PCDHGB1: variants seen among roughly 807,000 people sequenced by gnomAD.
PCDHGB1 encodes the protein protocadherin gamma subfamily B, 1.
In PCDHGB1, 34 loss-of-function variants were observed where a neutral mutation model predicts 56.6. The ratio of observed to expected loss-of-function variants is 0.60; its 90% CI spans 0.46 to 0.80. The LOEUF (loss-of-function observed/expected upper bound fraction) is 0.80, where lower values mean the gene tolerates loss of function less well. PCDHGB1 is among the 30% of genes least tolerant of loss of function. PCDHGB1 has a pLI of 0.00. For synonymous variants in PCDHGB1, 561 were observed against 505.9 expected, an observed-to-expected ratio of 1.11 and a Z score of -1.46; for missense variants, 1,278 against 1,204.6, an observed-to-expected ratio of 1.06 and a Z score of -0.90.
chr5:141,365,083 T>G (rs1763725289), intron 1 of PCDHGB1: 1 of 1,613,804 alleles, frequency 6.2e-7, no homozygotes, highest in Non-Finnish European at 8.5e-7. Context: ...GCGTGAGTGT[T>G]CCAGAGAACA....
At chr5:141,481,193 A>AT (rs1437708630) in intron 1 of PCDHGB1, among the ~76,000 whole-genome samples, 4 of 152,216 alleles carry the variant, frequency 2.6e-5, no homozygotes, top group African/African-American at 7.2e-5. Context: ...GCCAGGCCCA[A>AT]TTTTTTTAAA....
intron 1 of PCDHGB1, chr5:141,400,710 C>A (rs1480952915): frequency 2.9e-6 from 2 of 693,672 alleles, no homozygotes; most frequent in Non-Finnish European, 4.8e-6. Context: ...AAAGAAGTAG[C>A]CTTATAGATT....
rs55729045 is a variant in PCDHGB1 at position 141,395,542 on chromosome 5, TTGTGTGTGTGTGTGTG to T, written c.2409+42907_2409+42922del. 64 of 172,628 alleles carry T rather than the reference TTGTGTGTGTGTGTGTG, an allele frequency of 3.7e-4. 1 individual carries two copies. Among genetic ancestry groups the T allele is most frequent in the South Asian group, 2.0e-3 (23 of 11,528 alleles). The allele number at this position is 172,628 out of a possible 1,614,324, so 10.7% of individuals were successfully genotyped here. A position where few individuals can be genotyped will look rare whatever the true frequency, so the allele number is the denominator to read the frequency against. ...TCCATACTGGTAATTTTGCTATTGT[TTGTGTGTGTGTGTGTG>T]TGTGTGTGTGTGTGTGTGTGTGTGT... On this transcript the variant is annotated intron_variant, in intron 1 of 3. Coordinates refer to ENST00000523390, the MANE Select transcript of PCDHGB1 (RefSeq NM_018922.3).
chr5:141,450,592 T>G (rs1403924348), intron 1 of PCDHGB1, among the ~76,000 whole-genome samples: 1 of 151,838 alleles, frequency 6.6e-6, no homozygotes, highest in Non-Finnish European at 1.5e-5. Context: ...GTTCAAGCAA[T>G]TCTCCTGCCT....
intron 1 of PCDHGB1, among the ~76,000 whole-genome samples, chr5:141,467,951 A>G (rs2099155044): frequency 6.6e-6 from 1 of 151,944 alleles, no homozygotes; most frequent in East Asian, 1.9e-4. Context: ...GAGCCACCAC[A>G]CCCGGCTGCC....
intron 1 of PCDHGB1, chr5:141,429,167 T>TAC (rs1357037045): frequency 6.6e-5 from 9 of 136,102 alleles, no homozygotes; most frequent in African/African-American, 8.8e-5. Context: ...AGACATTGTT[T>TAC]ATACACACAC....
At chr5:141,421,030 G>C (rs989158485) in intron 1 of PCDHGB1, 2 of 532,352 alleles carry the variant, frequency 3.8e-6, no homozygotes, top group African/African-American at 3.9e-5. Context: ...GCGCCATTGA[G>C]TCCCTCCCTC....
intron 1 of PCDHGB1, chr5:141,357,754 G>T (rs1339262267): frequency 9.2e-6 from 10 of 1,082,578 alleles, no homozygotes; most frequent in Non-Finnish European, 1.3e-5. Context: ...AAGAAAACTG[G>T]TGGATGACCT....
chr5:141,419,645 G>T, intron 1 of PCDHGB1: 1 of 1,612,478 alleles, frequency 6.2e-7, no homozygotes, highest in African/African-American at 1.3e-5. Context: ...GGCCGTGGAC[G>T]CGGACTCGGG....
intron 1 of PCDHGB1, among the ~76,000 whole-genome samples, chr5:141,381,134 C>T (rs1034042035): frequency 2.0e-5 from 3 of 152,196 alleles, no homozygotes; most frequent in African/African-American, 7.2e-5. Context: ...GGAGCAATGC[C>T]ACCAGAAAGC....
intron 1 of PCDHGB1, chr5:141,390,025 G>GA (rs2092024046): frequency 1.2e-6 from 2 of 1,613,882 alleles, no homozygotes; most frequent in Non-Finnish European, 1.7e-6. Context: ...TTGCGCCTGC[G>GA]ACGCTCCTCC....
At chr5:141,495,052 CTGTT>C (rs1406995321) in intron 2 of PCDHGB1, among the ~76,000 whole-genome samples, 187 bp downstream of exon 2, 1 of 152,190 alleles carries the variant, frequency 6.6e-6, no homozygotes, top group Non-Finnish European at 1.5e-5. Context: ...ACTGCCCTGA[CTGTT>C]CAGGAAGCTC....
At chr5:141,356,349 A>G in intron 1 of PCDHGB1, 2 of 1,555,872 alleles carry the variant, frequency 1.3e-6, no homozygotes, top group Non-Finnish European at 1.7e-6. Context: ...GCCTAGTCAC[A>G]TGTTCTATTC....
intron 1 of PCDHGB1, chr5:141,359,946 T>C: frequency 1.9e-6 from 1 of 524,822 alleles, no homozygotes; most frequent in East Asian, 3.2e-5. Context: ...TCGCTGTTGG[T>C]CAAAAGAACG....
chr5:141,357,804 G>A (rs1465352721), intron 1 of PCDHGB1: 15 of 778,760 alleles, frequency 1.9e-5, no homozygotes, highest in Admixed American at 3.0e-5. Context: ...CAAAAATGTT[G>A]TTTATTACTT....
intron 1 of PCDHGB1, chr5:141,366,379 C>A (rs866007408): frequency 1.9e-6 from 3 of 1,614,134 alleles, no homozygotes; most frequent in African/African-American, 2.7e-5. Flanking sequence ...CCCCCATTGA[C>A]CCTGAGGATC....
intron 1 of PCDHGB1, among the ~76,000 whole-genome samples, chr5:141,481,241 A>C (rs557107835): frequency 2.0e-5 from 3 of 152,350 alleles, no homozygotes; most frequent in South Asian, 2.1e-4. Flanking sequence ...AGTATTACAT[A>C]GCATAGCTCT....
intron 1 of PCDHGB1, chr5:141,365,065 C>T (rs1300257401): frequency 6.2e-7 from 1 of 1,613,786 alleles, no homozygotes; most frequent in Non-Finnish European, 8.5e-7. Flanking sequence ...TCACCCCATC[C>T]GAGTACAGCG....
chr5:141,418,875 A>G (rs2097697666), intron 1 of PCDHGB1: 1 of 1,613,926 alleles, frequency 6.2e-7, no homozygotes, highest in African/African-American at 1.3e-5. Flanking sequence ...GAAGTTGTAG[A>G]CGAAAACGAC....
Sources: allele counts gnomAD v4.1 joint callset (sites outside exome capture counted in the v4.1 genomes callset), GRCh38; gene constraint gnomAD v4.1.1; transcripts MANE v1.5; gene names NCBI Gene and HGNC (gene_info 2026-07-23, HGNC 2026-07-21).